The following VDAC1 variants were observed in gnomAD, a reference collection of about 807,000 sequenced individuals.
The protein encoded by VDAC1 is voltage dependent anion channel 1.
A neutral mutation model predicts 34.7 loss-of-function variants in VDAC1; 10 were observed. The ratio of observed to expected loss-of-function variants is 0.29; its 90% CI spans 0.18 to 0.49. The LOEUF (loss-of-function observed/expected upper bound fraction) is 0.49. Among genes scored for constraint, VDAC1 ranks in the 20% least tolerant of loss-of-function variants. The probability of loss-of-function intolerance (pLI) is 0.99; values close to 1 mark genes in which losing one functional copy is unlikely to be tolerated. For synonymous variants in VDAC1, 130 were observed against 136.0 expected (o/e 0.96, Z 0.30); for missense variants, 230 against 347.9 (o/e 0.66, Z 2.69).
At chr5:134,024,294 C>G in the VDAC1 span, among the ~76,000 whole-genome samples, 4 of 151,194 alleles carry the variant, frequency 2.6e-5, no homozygotes, top group Non-Finnish European at 4.4e-5. Flanking sequence ...TTTGGGAGGC[C>G]GAGGAGGGCA....
At chr5:134,099,850 T>C in the VDAC1 span, among the ~76,000 whole-genome samples, 2 of 152,252 alleles carry the variant, frequency 1.3e-5, no homozygotes, top group African/African-American at 2.4e-5. Flanking sequence ...CTCAAAGTGC[T>C]GGGATTGTGG....
chr5:134,024,533 A>G, the VDAC1 span, among the ~76,000 whole-genome samples: 2 of 151,976 alleles, frequency 1.3e-5, no homozygotes, highest in East Asian at 3.8e-4. Context: ...TGTCTCAAAA[A>G]AAAAAAGAAA....
At chr5:133,982,318 C>A (rs945802876) in intron 5 of VDAC1, among the ~76,000 whole-genome samples, 2 of 152,022 alleles carry the variant, frequency 1.3e-5, no homozygotes, top group Non-Finnish European at 2.9e-5. Context: ...TCGAGACCAG[C>A]CTGGCCAACA....
At chr5:134,013,897 G>C in the VDAC1 span, among the ~76,000 whole-genome samples, 153 of 151,930 alleles carry the variant, frequency 1.0e-3, no homozygotes, top group Non-Finnish European at 1.8e-3. Context: ...AGCTGAGATC[G>C]TGCCACTGCA....
the VDAC1 span, among the ~76,000 whole-genome samples, chr5:134,087,658 C>A: frequency 6.6e-6 from 1 of 151,668 alleles, no homozygotes; most frequent in Non-Finnish European, 1.5e-5. Flanking sequence ...AGTTCAAGAC[C>A]AGCCTGACCA....
chr5:134,011,868 G>T, the VDAC1 span, among the ~76,000 whole-genome samples: 1 of 151,924 alleles, frequency 6.6e-6, no homozygotes. Flanking sequence ...TCAAACTCCT[G>T]ACCTCAGATG....
the VDAC1 span, among the ~76,000 whole-genome samples, chr5:134,051,505 T>A: frequency 6.6e-6 from 1 of 152,224 alleles, no homozygotes; most frequent in African/African-American, 2.4e-5. Flanking sequence ...AGCTTGATCA[T>A]TTGTGAGAAC....
At chr5:134,008,192 C>G (rs867587217), upstream of VDAC1, among the ~76,000 whole-genome samples, 114 of 151,964 alleles carry the variant, frequency 7.5e-4, no homozygotes, top group African/African-American at 2.7e-3. Context: ...CCAATGAGAC[C>G]AGATGAGAAT....
the VDAC1 span, among the ~76,000 whole-genome samples, chr5:134,049,384 A>T: frequency 0.15 from 23,321 of 151,834 alleles, 1,953 homozygotes; most frequent in East Asian, 0.28. Context: ...GTGAGCCACC[A>T]TGCCCACCCC....
chr5:134,114,011 G>C, the VDAC1 span, among the ~76,000 whole-genome samples: 1 of 152,350 alleles, frequency 6.6e-6, no homozygotes, highest in Non-Finnish European at 1.5e-5. Context: ...CTGAGGTCCG[G>C]TGCTCTTGGC....
the VDAC1 span, among the ~76,000 whole-genome samples, chr5:134,033,220 T>C: frequency 6.9e-6 from 1 of 145,886 alleles, no homozygotes; most frequent in Non-Finnish European, 1.5e-5. Flanking sequence ...TGCAATGGCG[T>C]GATGTCGGCT....
chr5:133,981,351 C>A (rs1752691175), intron 5 of VDAC1, among the ~76,000 whole-genome samples: 1 of 152,164 alleles, frequency 6.6e-6, no homozygotes, highest in Non-Finnish European at 1.5e-5. Flanking sequence ...ATTTATCTGC[C>A]ATGAAGGCAG....
the VDAC1 span, among the ~76,000 whole-genome samples, chr5:134,078,060 C>G: frequency 6.6e-6 from 1 of 152,204 alleles, no homozygotes. Flanking sequence ...CAGGCCCAGT[C>G]TGATCCCTTG....
the VDAC1 span, among the ~76,000 whole-genome samples, chr5:134,065,980 A>AT: frequency 6.7e-6 from 1 of 150,166 alleles, no homozygotes; most frequent in African/African-American, 2.5e-5. Context: ...TTTAGTAGAG[A>AT]TGGGGGGTCT....
At chr5:134,040,682 G>A in the VDAC1 span, among the ~76,000 whole-genome samples, 1 of 152,038 alleles carries the variant, frequency 6.6e-6, no homozygotes, top group Non-Finnish European at 1.5e-5. Context: ...AGCCAATATC[G>A]TACTGCTGCA....
intron 1 of VDAC1, among the ~76,000 whole-genome samples, chr5:134,001,997 G>A (rs947074345): frequency 1.3e-5 from 2 of 152,044 alleles, no homozygotes; most frequent in African/African-American, 2.4e-5. Flanking sequence ...ACCCAAAGCC[G>A]CAGACTACAG....
the VDAC1 span, among the ~76,000 whole-genome samples, chr5:134,023,978 CAAA>C: frequency 8.4e-6 from 1 of 119,716 alleles, no homozygotes; most frequent in Non-Finnish European, 1.8e-5. Flanking sequence ...ACTAAAAATA[CAAA>C]AAAAAAAAAA....
At chr5:134,081,764 T>C in the VDAC1 span, 1 of 152,442 alleles carries the variant, frequency 6.6e-6, no homozygotes, top group Non-Finnish European at 1.5e-5. Context: ...CCATTTTGCT[T>C]CCTCTAAGGC....
upstream of VDAC1, among the ~76,000 whole-genome samples, chr5:134,007,905 C>T (rs951404240): frequency 1.3e-5 from 2 of 152,096 alleles, no homozygotes; most frequent in African/African-American, 4.8e-5. Context: ...AAGTCCCTGG[C>T]GAAGACAGTC....
Sources: gnomAD v4.1 joint callset for allele counts (sites outside exome capture counted in the v4.1 genomes callset) on GRCh38, gnomAD v4.1.1 for gene constraint, MANE v1.5 for transcripts, NCBI Gene and HGNC (gene_info 2026-07-23, HGNC 2026-07-21) for gene names.